The following TEX264 variants were observed in gnomAD, a reference collection of about 807,000 sequenced individuals.
TEX264 encodes the protein testis-expressed protein 264.
In TEX264, 13 loss-of-function variants were observed where a neutral mutation model predicts 23.4. That is an observed-to-expected ratio of 0.56 (90% confidence interval 0.36 to 0.88). The LOEUF (loss-of-function observed/expected upper bound fraction) is 0.88. Ranked by LOEUF, TEX264 falls within the 40% of genes least tolerant of loss-of-function variation. TEX264 has a pLI of 0.01. For missense variants in TEX264, 340 were observed against 406.8 expected, an observed-to-expected ratio of 0.84 and a Z score of 1.41; for synonymous variants, 159 against 170.0, an observed-to-expected ratio of 0.94 and a Z score of 0.50.
At chr3:51,687,712 C>T (rs1366454062) in intron 3 of TEX264, among the ~76,000 whole-genome samples, 1 of 152,142 alleles carries the variant, frequency 6.6e-6, no homozygotes, top group East Asian at 1.9e-4. Context: ...CCAGCCTCTC[C>T]AGAGGCTAGG....
intron 3 of TEX264, among the ~76,000 whole-genome samples, chr3:51,688,616 A>G (rs1423837097): frequency 6.6e-6 from 1 of 152,060 alleles, no homozygotes; most frequent in Non-Finnish European, 1.5e-5. Flanking sequence ...TCCTCTCCCA[A>G]GTTTAGGGTG....
At chr3:51,671,666 T>C (rs1702048288) in intron 1 of TEX264, 1 of 154,496 alleles carries the variant, frequency 6.5e-6, no homozygotes, top group South Asian at 2.0e-4. Flanking sequence ...TGGGGCTCCG[T>C]GAGGAGGTGG....
chr3:51,697,822 G>C (rs916113039), intron 3 of TEX264, among the ~76,000 whole-genome samples: 1 of 152,246 alleles, frequency 6.6e-6, no homozygotes, highest in Non-Finnish European at 1.5e-5. Flanking sequence ...ACAGCCATCT[G>C]TGTGTTTAGA....
At chr3:51,687,784 C>T (rs1049750968) in intron 3 of TEX264, among the ~76,000 whole-genome samples, 4 of 152,090 alleles carry the variant, frequency 2.6e-5, no homozygotes, top group African/African-American at 9.7e-5. Context: ...AGCTGCTGTC[C>T]CGGGAGTTGC....
chr3:51,700,018 C>T (rs781280279), intron 4 of TEX264, among the ~76,000 whole-genome samples: 170 of 152,218 alleles, frequency 1.1e-3, no homozygotes, highest in Non-Finnish European at 1.8e-3. Flanking sequence ...AGTACGGGCC[C>T]CACCCAGAGC....
rs1228237936 is a variant in TEX264 at position 51,674,426 on chromosome 3, C to G, written c.122C>G (p.Pro41Arg). The change falls in exon 2 of 5, where the codon CCC becomes CGC. Residue 41 changes from proline to arginine, a missense_variant. Transcript: ENST00000341333. ...GGGGTGGAAGTGAGTGCTGGGTCAC[C>G]CCCCATCCGCAACGTCACTGTGGCC... is the stretch of plus-strand genomic sequence containing the variant. ...LAGVEVSAGS[P>R]PIRNVTVAYK... The G allele has an allele frequency of 6.2e-7, 1 of 1,614,146 alleles. No homozygotes were observed. The highest frequency in any genetic ancestry group is 1.7e-5 in the Admixed American group (1 of 60,020).
In TEX264 at chr3:51,677,085, C is replaced by T. The variant is rs767359250; in HGVS notation, c.258+2523C>T. On this transcript the variant is annotated intron_variant, in intron 2 of 4. Coordinates refer to ENST00000341333, the MANE Select transcript of TEX264 (RefSeq NM_015926.6). Reference sequence around the variant, plus strand: ...CATGGACCCCCAGGCTTCAGGTGCTCGTGGCTATCACAGACTGGTCCGGAA... The same window carrying T: ...CATGGACCCCCAGGCTTCAGGTGCTTGTGGCTATCACAGACTGGTCCGGAA... 2.2e-4 allele frequency among the ~76,000 whole-genome samples: 33 copies of T among 152,358 alleles called. 1 individual carries two copies. The highest frequency in any genetic ancestry group is 1.9e-4 in the East Asian group (1 of 5,192).
intron 3 of TEX264, among the ~76,000 whole-genome samples, chr3:51,696,612 C>T (rs1703068097): frequency 6.6e-6 from 1 of 152,198 alleles, no homozygotes; most frequent in African/African-American, 2.4e-5. Flanking sequence ...CTTCCATCCC[C>T]AGCCCCCACT....
chr3:51,684,151 C>T, intron 2 of TEX264: 1 of 507,624 alleles, frequency 2.0e-6, no homozygotes, highest in Non-Finnish European at 3.6e-6. Flanking sequence ...AGTCTAACCC[C>T]TCACTATGAT....
Position 51,704,234 on chromosome 3 carries a change from G to A in TEX264, c.*218G>A. 1 of 408,830 alleles carries A rather than the reference G, an allele frequency of 2.4e-6. No homozygotes were observed. The highest frequency in any genetic ancestry group is 4.2e-6 in the Non-Finnish European group (1 of 235,686). 25.3% of individuals were successfully genotyped at this position (408,830 alleles called of 1,614,324 possible). On this transcript the variant is annotated 3_prime_UTR_variant, in exon 5 of 5. Coordinates refer to ENST00000341333, the MANE Select transcript of TEX264 (RefSeq NM_015926.6). The stretch of plus-strand genomic sequence containing the variant: ...ACTATTTTCTGCACCAGCCCCCAGG[G>A]CTGCCACCCCTGTTGTGTCTTTTTT...
At chr3:51,697,799 T>C (rs1259365441) in intron 3 of TEX264, among the ~76,000 whole-genome samples, 1 of 152,050 alleles carries the variant, frequency 6.6e-6, no homozygotes, top group Non-Finnish European at 1.5e-5. Flanking sequence ...TGTGAGTGGG[T>C]AGAGAAGCAA....
intron 3 of TEX264, among the ~76,000 whole-genome samples, chr3:51,690,576 A>G (rs977065426): frequency 1.3e-5 from 2 of 151,222 alleles, no homozygotes; most frequent in East Asian, 1.9e-4. Flanking sequence ...AAAAAAAAAA[A>G]GCAGGTGAGG....
At chr3:51,679,901 G>A (rs1419767003) in intron 2 of TEX264, among the ~76,000 whole-genome samples, 4 of 152,156 alleles carry the variant, frequency 2.6e-5, no homozygotes, top group Non-Finnish European at 4.4e-5. Context: ...ACTGGTGCCT[G>A]TCTCCGTGTG....
chr3:51,696,648 A>AGCAT (rs1456883822), intron 3 of TEX264, among the ~76,000 whole-genome samples: 5 of 152,180 alleles, frequency 3.3e-5, no homozygotes, highest in African/African-American at 1.2e-4. Context: ...CAGTGGGCAG[A>AGCAT]GCATGCAAGG....
At position 51,704,244 on chromosome 3, in the gene TEX264, CT is replaced by C. The variant is rs1230092744; in HGVS notation, c.*229del. ...GCACCAGCCCCCAGGGCTGCCACCC[CT>C]GTTGTGTCTTTTTTTCAGACTCACA... On this transcript the variant is annotated 3_prime_UTR_variant, in exon 5 of 5. Coordinates refer to ENST00000341333, the MANE Select transcript of TEX264 (RefSeq NM_015926.6). 1.3e-5 allele frequency: 5 copies of C among 386,708 alleles called. No homozygotes were observed. The highest frequency in any genetic ancestry group is 1.8e-5 in the Non-Finnish European group (4 of 219,268). The allele number at this position is 386,708 out of a possible 1,614,324, so 24.0% of individuals were successfully genotyped here. A position where few individuals can be genotyped will look rare whatever the true frequency, so the allele number is the denominator to read the frequency against.
chr3:51,694,070 C>CTTCCGTCCGT (rs1553697551), intron 3 of TEX264, among the ~76,000 whole-genome samples: 1 of 102,450 alleles, frequency 9.8e-6, no homozygotes, highest in Non-Finnish European at 2.0e-5. Flanking sequence ...CCTTCCCTTC[C>CTTCCGTCCGT]CCTTCCTTCC....
At chr3:51,685,085 T>C (rs1301734697) in intron 3 of TEX264, among the ~76,000 whole-genome samples, 2 of 152,200 alleles carry the variant, frequency 1.3e-5, no homozygotes, top group Non-Finnish European at 2.9e-5. Context: ...ATACATCTGC[T>C]CCCAGAGGCC....
chr3:51,686,659 C>T lies in TEX264; in HGVS notation c.480+2025C>T, dbSNP rs538797714. 3.1e-4 allele frequency among the ~76,000 whole-genome samples: 46 copies of T among 146,320 alleles called. No individual in the cohort carries two copies. Among genetic ancestry groups the T allele is most frequent in the Non-Finnish European group, 5.4e-4 (36 of 66,480 alleles). ...GGGGCAGGATGTGCTTGCCTGGCTG[C>T]GGTTGGACTGGAGGTGGGGGCGGGC... On this transcript the variant is annotated intron_variant, in intron 3 of 4. Transcript: ENST00000341333. This position sits in a 1 kb window ranked among gnomAD's most constrained non-coding sequence, Gnocchi z 4.1.
intron 2 of TEX264, among the ~76,000 whole-genome samples, chr3:51,677,781 T>G (rs975166672): frequency 2.6e-5 from 4 of 152,208 alleles, no homozygotes; most frequent in African/African-American, 7.2e-5. Flanking sequence ...CTGCTGGAGC[T>G]GTTAGCCTTG....
Sources: allele counts gnomAD v4.1 joint callset (sites outside exome capture counted in the v4.1 genomes callset), GRCh38; gene constraint gnomAD v4.1.1; non-coding constraint Gnocchi (gnomAD v3.1); transcripts MANE v1.5; gene names NCBI Gene and HGNC (gene_info 2026-07-23, HGNC 2026-07-21).